The following TMPO variants were observed in gnomAD, a reference collection of about 807,000 sequenced individuals.
The protein encoded by TMPO is LEM domain containing 4.
In TMPO, 22 loss-of-function variants were observed where a neutral mutation model predicts 45.4. That is an observed-to-expected ratio of 0.48 (90% CI 0.35 to 0.69). The LOEUF (loss-of-function observed/expected upper bound fraction) is 0.69, where lower values mean the gene tolerates loss of function less well. Among genes scored for constraint, TMPO ranks in the 30% least tolerant of loss-of-function variants. The pLI is 0.01. For synonymous variants in TMPO, 241 were observed against 204.1 expected (o/e 1.18, Z -1.54); for missense variants, 512 against 548.8 (o/e 0.93, Z 0.67).
At chr12:98,535,304 T>A (rs1592948210) in intron 3 of TMPO, 3 of 982,326 alleles carry the variant, frequency 3.1e-6, no homozygotes, top group Non-Finnish European at 3.6e-6. Flanking sequence ...GAAATTATAC[T>A]ATATCCCAGT....
chr12:98,531,902 A>G (rs1592943518), intron 3 of TMPO, 64 bp downstream of exon 3: 1 of 1,402,596 alleles, frequency 7.1e-7, no homozygotes. Flanking sequence ...TTCAGTGACC[A>G]TGAAGAAAGT....
chr12:98,517,575 A>G (rs1875958583), intron 1 of TMPO, among the ~76,000 whole-genome samples: 1 of 152,258 alleles, frequency 6.6e-6, no homozygotes, highest in African/African-American at 2.4e-5. Context: ...TCAGGCAGAA[A>G]TGAAAGACAA....
rs1233664962 is a variant in TMPO, at chr12:98,516,165, G to T, written c.279+19G>T. 4.4e-6 allele frequency: 6 copies of T among 1,349,852 alleles called. No individual in the cohort carries two copies. Among genetic ancestry groups the T allele is most frequent in the Non-Finnish European group, 5.7e-6 (6 of 1,057,482 alleles). 83.6% of individuals were successfully genotyped at this position (1,349,852 alleles called of 1,614,324 possible). On this transcript the variant is annotated intron_variant, in intron 1 of 8. Transcript: ENST00000556029. ...CGGCAGGGTAAGGACGCGGGGCCGG[G>T]GCTACAAAGGCGGGCGTTTGGCGGT...
At chr12:98,533,129 GTTC>G in intron 3 of TMPO, 2 of 1,614,110 alleles carry the variant, frequency 1.2e-6, no homozygotes, top group Non-Finnish European at 1.7e-6. Context: ...TTAGAGAAAA[GTTC>G]TTCGTCATCT....
At chr12:98,534,507 T>G in intron 3 of TMPO, 2 of 1,434,262 alleles carry the variant, frequency 1.4e-6, no homozygotes, top group Non-Finnish European at 1.8e-6. Flanking sequence ...GTAGAACTAC[T>G]TGTCTTTTCT....
intron 3 of TMPO, chr12:98,533,946 G>GC: frequency 1.9e-6 from 3 of 1,613,930 alleles, no homozygotes; most frequent in Non-Finnish European, 2.5e-6. Context: ...CTTGCAATCA[G>GC]CAGTTGGACT....
rs1037584964 is a variant in TMPO, at chr12:98,544,706, A to G, written c.879+169A>G. The G allele has an allele frequency of 1.1e-5, 7 of 660,352 alleles. No individual in the cohort carries two copies. The African/African-American group carries it at 1.1e-4, about 10-fold the overall frequency. The allele number at this position is 660,352 out of a possible 1,614,324, so 40.9% of individuals were successfully genotyped here. A position where few individuals can be genotyped will look rare whatever the true frequency, so the allele number is the denominator to read the frequency against. ...TTCTGAATTTTAGAATTTTCCTATA[A>G]TATCCAATTTATGTAAAGAAATCTA... On this transcript the variant is annotated intron_variant, in intron 6 of 8. Transcript: ENST00000556029.
At position 98,517,036 on chromosome 12, in the gene TMPO, C is replaced by G. The variant is rs113801979; in HGVS notation, c.279+890C>G. On this transcript the variant is annotated intron_variant, in intron 1 of 8. Transcript: ENST00000556029. The stretch of plus-strand genomic sequence containing the variant: ...AAGTTGGTCAGGCTGGTCTCGAACT[C>G]CTGACCTCAGGTGGTCCTCCCGCCT... Among the ~76,000 whole-genome samples the G allele has an allele frequency of 5.5e-3, 835 of 152,320 alleles. 10 individuals carry two copies. The highest frequency in any genetic ancestry group is 0.019 in the African/African-American group (794 of 41,560).
rs115843977 is a variant in TMPO, at chr12:98,547,730, G to A, written c.1237G>A (p.Val413Ile). The A allele has an allele frequency of 1.2e-5, 19 of 1,614,164 alleles. No individual in the cohort carries two copies. Among genetic ancestry groups the A allele is most frequent in the South Asian group, 9.9e-5 (9 of 91,082 alleles). ...EKTKKGRSIP[V>I]WIKILLFVVV... ...GACAAAAAAGGGACGCTCCATTCCC[G>A]TATGGATAAAAATTTTGCTGTTTGT... The change falls in exon 9 of 9, where the codon GTA (valine) becomes ATA (isoleucine). Residue 413 changes from valine (V) to isoleucine (I), a missense_variant. Coordinates refer to ENST00000556029, the MANE Select transcript of TMPO (RefSeq NM_001032283.3).
chr12:98,533,338 G>C, intron 3 of TMPO: 1 of 1,614,190 alleles, frequency 6.2e-7, no homozygotes, highest in Non-Finnish European at 8.5e-7. Flanking sequence ...GAAAGCACTA[G>C]AAGAGTCTGA....
chr12:98,520,225 GC>G (rs1476124711), intron 1 of TMPO, among the ~76,000 whole-genome samples: 1 of 151,326 alleles, frequency 6.6e-6, no homozygotes, highest in Non-Finnish European at 1.5e-5. Context: ...CTCCCAAAGT[GC>G]TGGGATTACA....
At position 98,516,150 on chromosome 12, in the gene TMPO, A is replaced by C. The variant is rs1875782829; in HGVS notation, c.279+4A>C. ...GAGCCGAGCAGCCGTCGGCAGGGTA[A>C]GGACGCGGGGCCGGGGCTACAAAGG... On this transcript the variant is annotated splice_donor_region_variant and intron_variant, in intron 1 of 8. Coordinates refer to ENST00000556029, the MANE Select transcript of TMPO (RefSeq NM_001032283.3). The C allele has an allele frequency of 7.1e-7, 1 of 1,410,522 alleles. No individual in the cohort carries two copies. The highest frequency in any genetic ancestry group is 9.2e-7 in the Non-Finnish European group (1 of 1,089,812). The allele number at this position is 1,410,522 out of a possible 1,614,324, so 87.4% of individuals were successfully genotyped here.
chr12:98,520,188 G>A (rs575693702), intron 1 of TMPO, among the ~76,000 whole-genome samples: 2 of 152,184 alleles, frequency 1.3e-5, no homozygotes, highest in Non-Finnish European at 2.9e-5. Flanking sequence ...TCAAACTCCT[G>A]ACCTCAGTTG....
Position 98,515,748 on chromosome 12 carries a change from C to G in TMPO, c.-120C>G, listed in dbSNP as rs1321202650. On this transcript the variant is annotated 5_prime_UTR_variant, in exon 1 of 9. Transcript: ENST00000556029. ...AGTTTTTGTTCCGCTCCGCAGCGCT[C>G]TTCCCGGGCAGGAGCCGTGAGGCTC... is the stretch of plus-strand genomic sequence containing the variant. The G allele has an allele frequency of 7.8e-6, 12 of 1,538,932 alleles. No homozygotes were observed. Among genetic ancestry groups the G allele is most frequent in the Admixed American group, 6.1e-5 (3 of 49,560 alleles).
rs202035749 is a variant in TMPO at position 98,534,214 on chromosome 12, C to T, written c.565+2376C>T. 3.2e-4 allele frequency: 514 copies of T among 1,613,966 alleles called. 2 individuals carry two copies. The highest frequency in any genetic ancestry group is 3.1e-3 in the South Asian group (286 of 91,076). The stretch of plus-strand genomic sequence containing the variant: ...AAATGCCACTGTAGGTCGTCGATAC[C>T]TCTGGCTGAAGGATTGCAAAATTAA... On this transcript the variant is annotated intron_variant, in intron 3 of 8. Coordinates refer to ENST00000556029, the MANE Select transcript of TMPO (RefSeq NM_001032283.3).
At chr12:98,534,823 TCTTA>T (rs1188776744) in intron 3 of TMPO, 2 of 1,002,904 alleles carry the variant, frequency 2.0e-6, no homozygotes, top group South Asian at 4.3e-5. Flanking sequence ...GCTCATATTT[TCTTA>T]CTTTTCTTTG....
In TMPO at chr12:98,515,799, A is replaced by G; in HGVS notation, c.-69A>G. 1 of 1,561,294 alleles carries G rather than the reference A, an allele frequency of 6.4e-7. No individual in the cohort carries two copies. The highest frequency in any genetic ancestry group is 8.7e-7 in the Non-Finnish European group (1 of 1,154,144). Reference sequence around the variant, plus strand: ...GGAGGCGGCAGCGCGGTCCCCGGCCAGGAGCAAGCGCGCCGGCGTGAGCGG... The same window carrying G: ...GGAGGCGGCAGCGCGGTCCCCGGCCGGGAGCAAGCGCGCCGGCGTGAGCGG... On this transcript the variant is annotated 5_prime_UTR_variant, in exon 1 of 9. Transcript: ENST00000556029.
intron 1 of TMPO, among the ~76,000 whole-genome samples, chr12:98,523,681 T>C (rs1042493156): frequency 6.6e-6 from 1 of 152,220 alleles, no homozygotes; most frequent in African/African-American, 2.4e-5. Context: ...TTTCTTTCTT[T>C]CTTTTTTTTC....
intron 7 of TMPO, among the ~76,000 whole-genome samples, chr12:98,545,984 C>G (rs540893917): frequency 7.2e-5 from 11 of 152,348 alleles, no homozygotes; most frequent in Middle Eastern, 3.4e-3. Flanking sequence ...CCACCCGCCT[C>G]AGCCTCCCAA....
Sources: allele counts gnomAD v4.1 joint callset (sites outside exome capture counted in the v4.1 genomes callset), GRCh38; gene constraint gnomAD v4.1.1; transcripts MANE v1.5; gene names NCBI Gene and HGNC (gene_info 2026-07-23, HGNC 2026-07-21).